Variants in BBS7 observed in about 807,000 individuals in gnomAD.
BBS7 encodes BBSome complex member BBS7.
A neutral mutation model predicts 90.3 loss-of-function variants in BBS7; 50 were observed. The ratio of observed to expected loss-of-function variants is 0.55; its 90% CI spans 0.44 to 0.70. The LOEUF is 0.70. BBS7 is among the 30% of genes least tolerant of loss of function. The pLI is 0.00. For synonymous variants in BBS7, 235 were observed against 287.4 expected, an observed-to-expected ratio of 0.82 and a Z score of 1.85; for missense variants, 729 against 838.9, an observed-to-expected ratio of 0.87 and a Z score of 1.62.
chr4:121,842,753 T>A (rs574823318), intron 12 of BBS7, among the ~76,000 whole-genome samples: 3 of 152,306 alleles, frequency 2.0e-5, no homozygotes, highest in African/African-American at 7.2e-5. Context: ...CCAGTTACCA[T>A]CTCCTCCTGC....
chr4:121,829,680 C>A (rs1051737865), intron 15 of BBS7, among the ~76,000 whole-genome samples: 3 of 152,168 alleles, frequency 2.0e-5, no homozygotes, highest in East Asian at 3.8e-4. Context: ...CATTCCATAC[C>A]CCTGACCACA....
At chr4:121,867,897 A>G in intron 2 of BBS7, 84 bp downstream of exon 2, 1 of 1,186,226 alleles carries the variant, frequency 8.4e-7, no homozygotes, top group Non-Finnish European at 1.3e-6. Flanking sequence ...TTTTAAGAGA[A>G]TAACTTAATA....
intron 5 of BBS7, 78 bp downstream of exon 5, chr4:121,858,914 A>AT (rs1227568925): frequency 1.4e-6 from 2 of 1,388,194 alleles, no homozygotes; most frequent in Middle Eastern, 1.9e-4. Context: ...GTAACCACTA[A>AT]TTTATCTCAA....
At chr4:121,827,277 T>A (rs187040187) in intron 18 of BBS7, among the ~76,000 whole-genome samples, 9 of 152,274 alleles carry the variant, frequency 5.9e-5, no homozygotes, top group Admixed American at 5.2e-4. Flanking sequence ...AATAAAAAAT[T>A]CAGTAGGCAG....
At chr4:121,841,901 T>C (rs1578540539) in intron 12 of BBS7, among the ~76,000 whole-genome samples, 1 of 152,010 alleles carries the variant, frequency 6.6e-6, no homozygotes, top group East Asian at 1.9e-4. Flanking sequence ...ATATTGATAA[T>C]ATAATACAAC....
At chr4:121,831,363 G>A (rs889343569) in intron 15 of BBS7, among the ~76,000 whole-genome samples, 1 of 152,016 alleles carries the variant, frequency 6.6e-6, no homozygotes, top group South Asian at 2.1e-4. Context: ...GGATGCAGTA[G>A]CTTGCACCTA....
chr4:121,832,579 T>G lies in BBS7; in HGVS notation c.1676+652A>C, dbSNP rs567950288. Among the ~76,000 whole-genome samples, 4 of 152,100 alleles carry G rather than the reference T, an allele frequency of 2.6e-5. No individual in the cohort carries two copies. In the South Asian group the frequency reaches 8.3e-4, roughly 32 times the overall value. On this transcript the variant is annotated intron_variant, in intron 15 of 18. Coordinates refer to ENST00000264499, the MANE Select transcript of BBS7 (RefSeq NM_176824.3). The stretch of plus-strand genomic sequence containing the variant: ...ATTATTGGAGCTTATAGAAGATGAG[T>G]TAGAAGTGATGGTGGAGGAGCGAGG...
At chr4:121,839,718 G>A (rs756063633) in intron 12 of BBS7, 22 bp from the exon 13 acceptor site, 3 of 1,597,270 alleles carry the variant, frequency 1.9e-6, no homozygotes, top group Admixed American at 3.3e-5. Flanking sequence ...ACAAAGTGGA[G>A]GAAAAGAATG....
chr4:121,869,328 G>GT, intron 1 of BBS7, among the ~76,000 whole-genome samples: 1 of 152,294 alleles, frequency 6.6e-6, no homozygotes, highest in East Asian at 1.9e-4. Flanking sequence ...GCAGTGTAGT[G>GT]TAACAAAAAT....
In BBS7 at chr4:121,861,494, A is replaced by G. The variant is rs774625222; in HGVS notation, c.341+10T>C. 4 of 1,608,756 alleles carry G rather than the reference A, an allele frequency of 2.5e-6. No individual in the cohort carries two copies. Among genetic ancestry groups the G allele is most frequent in the East Asian group, 2.2e-5 (1 of 44,822 alleles). ...GTATGTAAAAATACAAAAGAGAACA[A>G]AAGACATACATAGCTTTAATGCTTT... On this transcript the variant is annotated intron_variant, in intron 4 of 18. Transcript: ENST00000264499.
chr4:121,837,607 A>G (rs1369581218), intron 13 of BBS7, among the ~76,000 whole-genome samples: 2 of 152,032 alleles, frequency 1.3e-5, no homozygotes, highest in East Asian at 3.8e-4. Flanking sequence ...TCTGGGTTCT[A>G]TTTCCAGATT....
chr4:121,841,118 G>T (rs938707423), intron 12 of BBS7, among the ~76,000 whole-genome samples: 4 of 152,138 alleles, frequency 2.6e-5, no homozygotes, highest in African/African-American at 9.7e-5. Flanking sequence ...GGGATTACAC[G>T]TATGAGCCAC....
chr4:121,848,445 C>T (rs533931350), intron 9 of BBS7, among the ~76,000 whole-genome samples: 17 of 152,256 alleles, frequency 1.1e-4, no homozygotes, highest in Admixed American at 2.0e-4. Context: ...CACTTAGAAG[C>T]CAAATCAGTT....
chr4:121,846,512 A>G (rs760750504), intron 10 of BBS7, among the ~76,000 whole-genome samples: 11 of 152,144 alleles, frequency 7.2e-5, no homozygotes, highest in African/African-American at 9.7e-5. Flanking sequence ...ATCAGATATA[A>G]GTTTCTCATA....
chr4:121,850,178 T>C (rs1191659345), intron 8 of BBS7, among the ~76,000 whole-genome samples: 4 of 151,988 alleles, frequency 2.6e-5, no homozygotes, highest in African/African-American at 9.7e-5. Flanking sequence ...TGTTTGGTTT[T>C]TTTTTTAGAC....
Position 121,824,499 on chromosome 4 carries a change from T to A in BBS7, c.*1361A>T, listed in dbSNP as rs544492413. On this transcript the variant is annotated 3_prime_UTR_variant, in exon 19 of 19. Coordinates refer to ENST00000264499, the MANE Select transcript of BBS7 (RefSeq NM_176824.3). This position sits in a 1 kb window ranked among gnomAD's most constrained non-coding sequence, Gnocchi z 4.1. ...CAGAAATTGTGTTTTATGCTTTTTA[T>A]TTTTCCTAATGAAGATGCAATTAAT... 1.1e-4 allele frequency: 16 copies of A among 152,338 alleles called. No individual in the cohort carries two copies. In the South Asian group the frequency reaches 2.7e-3, roughly 26 times the overall value. The allele number at this position is 152,338 out of a possible 1,614,324, so 9.4% of individuals were successfully genotyped here.
rs758831295 is a variant in BBS7 at position 121,828,692 on chromosome 4, A to G, written c.1713T>C (p.Ser571=). 1 of 1,606,616 alleles carries G rather than the reference A, an allele frequency of 6.2e-7. No homozygotes were observed. The highest frequency in any genetic ancestry group is 8.5e-7 in the Non-Finnish European group (1 of 1,175,988). ...GEGVFKSDNI[S]TISILKDVLS... ...GCACATCTTTTAGGATGGAGATAGT[A>G]GAAATGTTGTCAGATTTAAAAACTC... Residue 571 remains serine (S), a synonymous_variant, in exon 16 of 19, where the codon TCT becomes TCC. Transcript: ENST00000264499.
At chr4:121,866,844 T>G (rs1727305382) in intron 2 of BBS7, among the ~76,000 whole-genome samples, 1 of 152,222 alleles carries the variant, frequency 6.6e-6, no homozygotes, top group Non-Finnish European at 1.5e-5. Context: ...CTTTGTAGTA[T>G]ATTTTGAGAT....
rs377333596 is a variant in BBS7 at position 121,854,768 on chromosome 4, A to G, written c.654T>C (p.Leu218=). 7.8e-5 allele frequency: 126 copies of G among 1,612,770 alleles called. No homozygotes were observed. The highest frequency in any genetic ancestry group is 1.0e-4 in the Non-Finnish European group (121 of 1,179,212). The change falls in exon 7 of 19, where the codon CTT becomes CTC. Residue 218 remains leucine (L), a synonymous_variant. Coordinates refer to ENST00000264499, the MANE Select transcript of BBS7 (RefSeq NM_176824.3). ...CTGGTTTGGATGTAGTAATCTGTAT[A>G]AGCGCAAGTTTTCCGTCTGATGTCC... ...LFGTSDGKLA[L]IQITTSKPVR...
Sources: allele counts gnomAD v4.1 joint callset (sites outside exome capture counted in the v4.1 genomes callset), GRCh38; gene constraint gnomAD v4.1.1; non-coding constraint Gnocchi (gnomAD v3.1); transcripts MANE v1.5; gene names NCBI Gene and HGNC (gene_info 2026-07-23, HGNC 2026-07-21).